VWC2L: variants seen among roughly 807,000 people sequenced by gnomAD.
VWC2L encodes von Willebrand factor C domain containing 2 like.
A neutral mutation model predicts 21.6 loss-of-function variants in VWC2L; 10 were observed. The ratio of observed to expected loss-of-function variants is 0.46; its 90% CI spans 0.29 to 0.78. The LOEUF (loss-of-function observed/expected upper bound fraction) is 0.78, where lower values mean the gene tolerates loss of function less well. Among genes scored for constraint, VWC2L ranks in the 30% least tolerant of loss-of-function variants. VWC2L has a pLI of 0.10. For synonymous variants in VWC2L, 96 were observed against 94.3 expected, an observed-to-expected ratio of 1.02 and a Z score of -0.10; for missense variants, 209 against 277.1, an observed-to-expected ratio of 0.75 and a Z score of 1.74.
At chr2:214,492,485 C>T (rs1688758590) in intron 3 of VWC2L, among the ~76,000 whole-genome samples, 1 of 152,122 alleles carries the variant, frequency 6.6e-6, no homozygotes, top group Non-Finnish European at 1.5e-5. Context: ...GCAGTCCAGC[C>T]CACATAGACC....
chr2:214,542,078 G>T (rs1236129297), intron 3 of VWC2L, among the ~76,000 whole-genome samples: 1 of 152,132 alleles, frequency 6.6e-6, no homozygotes, highest in East Asian at 1.9e-4. Context: ...ATATAATGCT[G>T]ATGACAGTCT....
intron 3 of VWC2L, among the ~76,000 whole-genome samples, chr2:214,568,981 T>G (rs1690109152): frequency 6.6e-6 from 1 of 152,158 alleles, no homozygotes; most frequent in Non-Finnish European, 1.5e-5. Flanking sequence ...CAGATCAAAC[T>G]GCACATTTTT....
intron 3 of VWC2L, among the ~76,000 whole-genome samples, chr2:214,560,678 T>C (rs1304067474): frequency 1.3e-5 from 2 of 152,266 alleles, no homozygotes; most frequent in African/African-American, 2.4e-5. Flanking sequence ...CAAAGATAAA[T>C]ATATACTATT....
intron 3 of VWC2L, among the ~76,000 whole-genome samples, chr2:214,451,309 G>GT (rs894480065): frequency 2.9e-3 from 67 of 23,118 alleles, no homozygotes; most frequent in African/African-American, 8.9e-4. Context: ...GGGTCGGTGT[G>GT]GGGGGGGGGG....
intron 3 of VWC2L, among the ~76,000 whole-genome samples, chr2:214,451,748 C>A (rs563126289): frequency 6.6e-6 from 1 of 152,194 alleles, no homozygotes; most frequent in East Asian, 1.9e-4. Flanking sequence ...AGAGTCTTTA[C>A]TGATGTATTA....
At chr2:214,568,050 G>C (rs551472300) in intron 3 of VWC2L, among the ~76,000 whole-genome samples, 3 of 152,162 alleles carry the variant, frequency 2.0e-5, no homozygotes, top group Non-Finnish European at 4.4e-5. Flanking sequence ...ACTCAACCGA[G>C]GAAACGGAAT....
chr2:214,526,379 C>T (rs1689337924), intron 3 of VWC2L, among the ~76,000 whole-genome samples: 1 of 152,036 alleles, frequency 6.6e-6, no homozygotes, highest in Non-Finnish European at 1.5e-5. Flanking sequence ...TGGATTAATC[C>T]TCCCTGCTCA....
At chr2:214,536,182 A>T (rs1204453636) in intron 3 of VWC2L, among the ~76,000 whole-genome samples, 1 of 152,180 alleles carries the variant, frequency 6.6e-6, no homozygotes, top group Non-Finnish European at 1.5e-5. Flanking sequence ...ATGTTGAATT[A>T]AAGATTTGAT....
At chr2:214,477,952 T>C (rs4673833) in intron 3 of VWC2L, among the ~76,000 whole-genome samples, 19,695 of 152,274 alleles carry the variant, frequency 0.13, 1,588 homozygotes, top group East Asian at 0.25. Flanking sequence ...GATTTTTCTC[T>C]TCTGTTAAAA....
intron 3 of VWC2L, among the ~76,000 whole-genome samples, chr2:214,484,083 G>A (rs914378810): frequency 9.2e-5 from 14 of 152,092 alleles, no homozygotes; most frequent in African/African-American, 2.9e-4. Context: ...TCCAATCTCT[G>A]CCTGCATCTT....
intron 3 of VWC2L, among the ~76,000 whole-genome samples, chr2:214,527,035 G>A (rs1417031933): frequency 1.3e-5 from 2 of 152,088 alleles, no homozygotes; most frequent in East Asian, 3.8e-4. Context: ...TAGAAAATAT[G>A]GCACGTATAC....
At chr2:214,504,101 T>G (rs1688934297) in intron 3 of VWC2L, among the ~76,000 whole-genome samples, 1 of 152,164 alleles carries the variant, frequency 6.6e-6, no homozygotes, top group Admixed American at 6.5e-5. Flanking sequence ...ATACGACCAG[T>G]TGGGTAGATG....
intron 3 of VWC2L, among the ~76,000 whole-genome samples, chr2:214,485,193 GCCTGTAGTCCC>G (rs1688658852): frequency 1.3e-5 from 2 of 152,172 alleles, no homozygotes; most frequent in African/African-American, 2.4e-5. Flanking sequence ...GGTGGTGCAT[GCCTGTAGTCCC>G]ACTACTCAGG....
At position 214,543,016 on chromosome 2, in the gene VWC2L, CTGCTCATAGAAT is replaced by C. The variant is rs1208699681; in HGVS notation, c.521-32654_521-32643del. On this transcript the variant is annotated intron_variant, in intron 3 of 3. Coordinates refer to ENST00000312504, the MANE Select transcript of VWC2L (RefSeq NM_001080500.4). ...TAGTTCTCATGAAAAAATCTTAATC[CTGCTCATAGAAT>C]TACTCACACCTCAAGGAATGTAACA... Among the ~76,000 whole-genome samples the C allele has an allele frequency of 2.0e-5, 3 of 152,210 alleles. No individual in the cohort carries two copies. The East Asian group carries it at 5.8e-4, about 29-fold the overall frequency.
chr2:214,564,085 A>T (rs554684702), intron 3 of VWC2L, among the ~76,000 whole-genome samples: 1 of 152,216 alleles, frequency 6.6e-6, no homozygotes, highest in South Asian at 2.1e-4. Context: ...CAACGAGAAT[A>T]AAATACCTAG....
chr2:214,490,940 G>C (rs976516946), intron 3 of VWC2L, among the ~76,000 whole-genome samples: 5 of 152,262 alleles, frequency 3.3e-5, no homozygotes, highest in Non-Finnish European at 7.4e-5. Context: ...AAACACAGAA[G>C]TCTACATGTT....
At chr2:214,454,014 C>G (rs1703016309) in intron 3 of VWC2L, among the ~76,000 whole-genome samples, 1 of 152,214 alleles carries the variant, frequency 6.6e-6, no homozygotes, top group East Asian at 1.9e-4. Flanking sequence ...AGCCACCGCG[C>G]CCAGCCTTTT....
At chr2:214,421,961 G>C (rs1383864366) in intron 2 of VWC2L, among the ~76,000 whole-genome samples, 3 of 117,048 alleles carry the variant, frequency 2.6e-5, no homozygotes, top group African/African-American at 1.2e-4. Context: ...GCGCGATCTC[G>C]ACTCTGCAAG....
intron 3 of VWC2L, among the ~76,000 whole-genome samples, chr2:214,509,579 G>A (rs1324465795): frequency 2.6e-5 from 4 of 152,130 alleles, no homozygotes; most frequent in African/African-American, 4.8e-5. Flanking sequence ...GAGGGGTAGC[G>A]GGAATGCAGC....
Sources: allele counts gnomAD v4.1 joint callset (sites outside exome capture counted in the v4.1 genomes callset), GRCh38; gene constraint gnomAD v4.1.1; transcripts MANE v1.5; gene names NCBI Gene and HGNC (gene_info 2026-07-23, HGNC 2026-07-21).